Variants in RUFY2 observed in about 807,000 individuals in gnomAD.
The protein encoded by RUFY2 is RUN and FYVE domain-containing protein 2.
RUFY2 carries 49 observed loss-of-function variants against 94.4 expected under a neutral mutation model. The ratio of observed to expected loss-of-function variants is 0.52; its 90% CI spans 0.41 to 0.66. The LOEUF is 0.66. Among genes scored for constraint, RUFY2 ranks in the 30% least tolerant of loss-of-function variants. The pLI is 0.00. For synonymous variants in RUFY2, 255 were observed against 235.7 expected, an observed-to-expected ratio of 1.08 and a Z score of -0.75; for missense variants, 541 against 692.8, an observed-to-expected ratio of 0.78 and a Z score of 2.46.
At position 68,343,572 on chromosome 10, in the gene RUFY2, T is replaced by A. The variant is rs2046096355; in HGVS notation, c.*2196A>T. On this transcript the variant is annotated 3_prime_UTR_variant, in exon 18 of 18. Transcript: ENST00000602465. ...AAATTCACATTTTATTTTTTAAACA[T>A]TATAGGTTAGAAGAATTACAATTGT... 6.6e-6 allele frequency: 1 copy of A among 152,508 alleles called. No individual in the cohort carries two copies. Among genetic ancestry groups the A allele is most frequent in the African/African-American group, 2.4e-5 (1 of 41,404 alleles). The allele number at this position is 152,508 out of a possible 1,614,324, so 9.4% of individuals were successfully genotyped here.
chr10:68,344,327 A>G lies in RUFY2; in HGVS notation c.*1441T>C, dbSNP rs979899610. 1.3e-5 allele frequency: 2 copies of G among 152,342 alleles called. No homozygotes were observed. Among genetic ancestry groups the G allele is most frequent in the East Asian group, 3.9e-4 (2 of 5,194 alleles). The allele number at this position is 152,342 out of a possible 1,614,324, so 9.4% of individuals were successfully genotyped here. A position where few individuals can be genotyped will look rare whatever the true frequency, so the allele number is the denominator to read the frequency against. On this transcript the variant is annotated 3_prime_UTR_variant, in exon 18 of 18. Transcript: ENST00000602465. ...GGCAGGGAGGTACCTAGGATTAACC[A>G]CTAAATATAATGCTCTTAATCCATA...
At chr10:68,387,889 G>A (rs1014916832) in intron 7 of RUFY2, among the ~76,000 whole-genome samples, 1 of 152,078 alleles carries the variant, frequency 6.6e-6, no homozygotes. Context: ...TGTAATCCCA[G>A]CTACTCAGGA....
At chr10:68,393,857 AAAGGTCC>A in intron 6 of RUFY2, 1 of 1,002,252 alleles carries the variant, frequency 1.0e-6, no homozygotes, top group Non-Finnish European at 1.3e-6. Flanking sequence ...AGGTATAACC[AAAGGTCC>A]CACTTCATAC....
rs1589853797 is a variant in RUFY2 at position 68,370,484 on chromosome 10, G to A, written c.1325+6369C>T. Among the ~76,000 whole-genome samples, 5 of 130,838 alleles carry A rather than the reference G, an allele frequency of 3.8e-5. No individual in the cohort carries two copies. In the South Asian group the frequency reaches 1.2e-3, roughly 32 times the overall value. 85.8% of individuals were successfully genotyped at this position (130,838 alleles called of 152,430 possible). ...TTTTTTTTTGAGACAGAGTCTTGCT[G>A]AAATAAAAATAAATTAGCCAAGCAT... On this transcript the variant is annotated intron_variant, in intron 13 of 17. Transcript: ENST00000602465.
intron 3 of RUFY2, among the ~76,000 whole-genome samples, chr10:68,397,902 G>A (rs2050512013): frequency 6.6e-6 from 1 of 151,976 alleles, no homozygotes; most frequent in Non-Finnish European, 1.5e-5. Context: ...GCCGAGGCGA[G>A]CGGATCACAA....
rs1018542021 is a variant in RUFY2 at position 68,400,881 on chromosome 10, C to T, written c.296+739G>A. On this transcript the variant is annotated intron_variant, in intron 3 of 17. Coordinates refer to ENST00000602465, the MANE Select transcript of RUFY2 (RefSeq NM_001330103.2). ...CAAAAAAATTAGCCGGGCGTGGTGG[C>T]GGGCGCCTGTAGTCCCAGCTACTCG... Among the ~76,000 whole-genome samples the T allele has an allele frequency of 7.9e-5, 12 of 151,796 alleles. 1 individual carries two copies. Among genetic ancestry groups the T allele is most frequent in the Admixed American group, 2.0e-4 (3 of 15,242 alleles).
intron 13 of RUFY2, among the ~76,000 whole-genome samples, chr10:68,367,222 C>G (rs892994157): frequency 1.3e-5 from 2 of 151,994 alleles, no homozygotes; most frequent in Non-Finnish European, 2.9e-5. Context: ...CTTACCTATG[C>G]TTTTGTCAAA....
At chr10:68,389,402 C>A (rs1052001919) in intron 7 of RUFY2, among the ~76,000 whole-genome samples, 2 of 151,120 alleles carry the variant, frequency 1.3e-5, no homozygotes, top group African/African-American at 4.9e-5. Context: ...ACCAGCCTAG[C>A]CAATATGGTG....
chr10:68,405,779 GAAAAT>G, intron 1 of RUFY2: 2 of 888,654 alleles, frequency 2.3e-6, no homozygotes, highest in Non-Finnish European at 2.7e-6. Context: ...TTTTCAAAGA[GAAAAT>G]AAAAGCAGAG....
At chr10:68,353,330 C>CA (rs1564781658) in intron 16 of RUFY2, among the ~76,000 whole-genome samples, 26 of 132,624 alleles carry the variant, frequency 2.0e-4, no homozygotes, top group African/African-American at 6.9e-4. Flanking sequence ...GACCCTGTCT[C>CA]GAAAAAAAAA....
rs371250432 is a variant in RUFY2, at chr10:68,376,929, C to G, written c.1249G>C (p.Asp417His). 2 of 1,613,512 alleles carry G rather than the reference C, an allele frequency of 1.2e-6. No homozygotes were observed. Among genetic ancestry groups the G allele is most frequent in the Middle Eastern group, 1.6e-4 (1 of 6,080 alleles). Residue 417 changes from aspartate (D) to histidine (H), a missense_variant, in exon 13 of 18, where the codon GAT becomes CAT. By Grantham distance (81) the Asp-to-His change is moderately conservative. Transcript: ENST00000602465. The part of the protein sequence containing the change: ...EKAQMEAEDE[D>H]EKYLQECLSK... ...AGACATTCTTGTAGATATTTCTCAT[C>G]CTCATCTTCAGCTTCCATTTGCGCC... is the stretch of plus-strand genomic sequence containing the variant.
intron 15 of RUFY2, among the ~76,000 whole-genome samples, chr10:68,360,755 GATA>G (rs1169825390): frequency 2.0e-5 from 3 of 150,656 alleles, no homozygotes; most frequent in Non-Finnish European, 4.4e-5. Flanking sequence ...CTCAAAAAAC[GATA>G]ATAATAATCA....
Position 68,402,472 on chromosome 10 carries a change from G to A in RUFY2, c.179-735C>T, listed in dbSNP as rs890266845. On this transcript the variant is annotated intron_variant, in intron 2 of 17. Coordinates refer to ENST00000602465, the MANE Select transcript of RUFY2 (RefSeq NM_001330103.2). ...TTTTCCCAGGGGGAGAAAAGCACAC[G>A]CACAAAGTAGCTTTATAATGATTCA... 4.6e-5 allele frequency among the ~76,000 whole-genome samples: 7 copies of A among 152,124 alleles called. No homozygotes were observed. In the East Asian group the frequency reaches 1.2e-3, roughly 25 times the overall value.
At chr10:68,362,193 G>A (rs2047503194) in intron 15 of RUFY2, among the ~76,000 whole-genome samples, 2 of 151,990 alleles carry the variant, frequency 1.3e-5, no homozygotes, top group African/African-American at 4.8e-5. Flanking sequence ...CAGGTATGGT[G>A]GTGTGCGTCT....
chr10:68,402,711 G>C (rs1421815898), intron 2 of RUFY2, among the ~76,000 whole-genome samples: 3 of 141,496 alleles, frequency 2.1e-5, no homozygotes, highest in Non-Finnish European at 4.5e-5. Context: ...ACTCCAGAGT[G>C]AGACCCCCAT....
downstream of RUFY2, chr10:68,341,680 G>A (rs1225094514): frequency 6.2e-7 from 1 of 1,609,330 alleles, no homozygotes; most frequent in Non-Finnish European, 8.5e-7. Flanking sequence ...AGATGGAATG[G>A]GTATGTAAAG....
At chr10:68,342,002 G>A (rs767809843), downstream of RUFY2, 1 of 1,614,084 alleles carries the variant, frequency 6.2e-7, no homozygotes, top group South Asian at 1.1e-5. Context: ...GGCAGTGGAG[G>A]TTACTATGGG....
At chr10:68,358,933 T>C (rs938014623) in intron 15 of RUFY2, among the ~76,000 whole-genome samples, 2 of 152,164 alleles carry the variant, frequency 1.3e-5, no homozygotes, top group Non-Finnish European at 2.9e-5. Flanking sequence ...GGAAATACTT[T>C]ATGATAATTT....
At position 68,344,501 on chromosome 10, in the gene RUFY2, T is replaced by C. The variant is rs1176744975; in HGVS notation, c.*1267A>G. 1 of 152,196 alleles carries C rather than the reference T, an allele frequency of 6.6e-6. No individual in the cohort carries two copies. The highest frequency in any genetic ancestry group is 1.9e-4 in the East Asian group (1 of 5,194). The allele number at this position is 152,196 out of a possible 1,614,324, so 9.4% of individuals were successfully genotyped here. ...TAAATTCTTAGTATGCCATAAGCAA[T>C]ATAACTTGGATTAGTGTTCATTGAG... On this transcript the variant is annotated 3_prime_UTR_variant, in exon 18 of 18. Coordinates refer to ENST00000602465, the MANE Select transcript of RUFY2 (RefSeq NM_001330103.2).
Sources: gnomAD v4.1 joint callset for allele counts (sites outside exome capture counted in the v4.1 genomes callset) on GRCh38, gnomAD v4.1.1 for gene constraint, MANE v1.5 for transcripts, NCBI Gene and HGNC (gene_info 2026-07-23, HGNC 2026-07-21) for gene names.